ATG10: variants seen among roughly 807,000 people sequenced by gnomAD.
ATG10 encodes the protein ubiquitin-like-conjugating enzyme ATG10.
A neutral mutation model predicts 32.1 loss-of-function variants in ATG10; 30 were observed. The ratio of observed to expected loss-of-function variants is 0.94; its 90% CI spans 0.70 to 1.27. ATG10 has a LOEUF of 1.27. ATG10 is among the 50% of genes most tolerant of loss of function. The pLI, the probability that ATG10 is intolerant of heterozygous loss-of-function variation, is 0.00. For synonymous variants in ATG10, 87 were observed against 91.5 expected, an observed-to-expected ratio of 0.95 and a Z score of 0.28; for missense variants, 233 against 262.3, an observed-to-expected ratio of 0.89 and a Z score of 0.77.
intron 5 of ATG10, among the ~76,000 whole-genome samples, chr5:82,248,045 T>C (rs1037706334): frequency 3.0e-4 from 45 of 152,242 alleles, no homozygotes; most frequent in Admixed American, 2.9e-3. Context: ...AATGGATGTG[T>C]ACGTGGATTG....
At chr5:82,124,963 C>T (rs1323648235) in intron 3 of ATG10, among the ~76,000 whole-genome samples, 1 of 152,196 alleles carries the variant, frequency 6.6e-6, no homozygotes, top group Non-Finnish European at 1.5e-5. Context: ...TGTTTCCTGA[C>T]TTTTTAATGA....
intron 1 of ATG10, among the ~76,000 whole-genome samples, chr5:81,986,260 A>C (rs1350437265): frequency 6.6e-6 from 1 of 152,090 alleles, no homozygotes; most frequent in African/African-American, 2.4e-5. Context: ...TTATGATAGG[A>C]GAATAAGGTT....
intron 5 of ATG10, among the ~76,000 whole-genome samples, chr5:82,192,316 G>A (rs1375015174): frequency 6.6e-6 from 1 of 152,172 alleles, no homozygotes; most frequent in Admixed American, 6.5e-5. Flanking sequence ...ATTTTTCCTG[G>A]AAAGTCATCT....
At chr5:82,151,511 A>G (rs1240960557) in intron 3 of ATG10, among the ~76,000 whole-genome samples, 2 of 152,106 alleles carry the variant, frequency 1.3e-5, no homozygotes, top group Non-Finnish European at 2.9e-5. Context: ...CATGTTATGC[A>G]TTGCAGTTTA....
At chr5:82,116,762 G>A (rs921561813) in intron 3 of ATG10, among the ~76,000 whole-genome samples, 4 of 152,098 alleles carry the variant, frequency 2.6e-5, no homozygotes, top group African/African-American at 7.2e-5. Flanking sequence ...CTGAGACCAG[G>A]TATTAGAAGG....
chr5:82,120,084 A>G (rs1200416932), intron 3 of ATG10, among the ~76,000 whole-genome samples: 3 of 151,526 alleles, frequency 2.0e-5, no homozygotes, highest in Non-Finnish European at 4.4e-5. Flanking sequence ...AAGGGTTGCT[A>G]CTCCTTTATG....
intron 3 of ATG10, among the ~76,000 whole-genome samples, chr5:82,077,911 T>A (rs1483560624): frequency 6.6e-6 from 1 of 152,266 alleles, no homozygotes; most frequent in African/African-American, 2.4e-5. Context: ...GATCTTTCAC[T>A]GACTGTAGTA....
At chr5:81,979,189 G>A (rs1462571802) in intron 1 of ATG10, among the ~76,000 whole-genome samples, 4 of 151,380 alleles carry the variant, frequency 2.6e-5, no homozygotes, top group Middle Eastern at 6.8e-3. Flanking sequence ...CGTGAGCCAC[G>A]GTGCCTGGTC....
chr5:82,038,887 G>A (rs1053993020), intron 2 of ATG10, among the ~76,000 whole-genome samples: 19 of 152,086 alleles, frequency 1.2e-4, no homozygotes, highest in African/African-American at 3.4e-4. Flanking sequence ...TTGCTCTGTC[G>A]CCCAGGCTGG....
intron 3 of ATG10, among the ~76,000 whole-genome samples, chr5:82,102,836 C>G (rs375833600): frequency 1.5e-3 from 226 of 149,166 alleles, no homozygotes; most frequent in Middle Eastern, 6.8e-3. Context: ...GCTGGTTAAT[C>G]CTCCTCTTCA....
At chr5:82,123,197 A>C (rs577599510) in intron 3 of ATG10, among the ~76,000 whole-genome samples, 10 of 152,374 alleles carry the variant, frequency 6.6e-5, no homozygotes, top group African/African-American at 2.2e-4. Flanking sequence ...GAATGCGGTC[A>C]TGTATTCTGT....
At chr5:82,059,512 A>G (rs933490882) in intron 3 of ATG10, among the ~76,000 whole-genome samples, 2 of 151,570 alleles carry the variant, frequency 1.3e-5, no homozygotes, top group Non-Finnish European at 2.9e-5. Context: ...ATTCCATCCT[A>G]TGGAAGCACC....
intron 5 of ATG10, among the ~76,000 whole-genome samples, chr5:82,182,105 A>G (rs1744259637): frequency 6.6e-6 from 1 of 152,166 alleles, no homozygotes; most frequent in African/African-American, 2.4e-5. Context: ...TGATCTTGGC[A>G]TGGCCTAAAG....
chr5:82,002,992 T>G (rs1321767844), intron 2 of ATG10, among the ~76,000 whole-genome samples: 1 of 152,140 alleles, frequency 6.6e-6, no homozygotes. Flanking sequence ...AACACAGTAT[T>G]TTGACTATCC....
At chr5:82,212,792 T>C (rs1334329283) in intron 5 of ATG10, among the ~76,000 whole-genome samples, 1 of 152,004 alleles carries the variant, frequency 6.6e-6, no homozygotes, top group Non-Finnish European at 1.5e-5. Flanking sequence ...ATATTGGACG[T>C]GTAAATGTTA....
intron 4 of ATG10, among the ~76,000 whole-genome samples, chr5:82,168,981 G>A (rs1021647713): frequency 8.5e-5 from 13 of 152,108 alleles, no homozygotes; most frequent in African/African-American, 2.9e-4. Context: ...CCACAGGTTG[G>A]GTTTCTTGAA....
intron 2 of ATG10, among the ~76,000 whole-genome samples, chr5:81,999,827 C>G (rs1761798417): frequency 6.6e-6 from 1 of 152,094 alleles, no homozygotes; most frequent in Non-Finnish European, 1.5e-5. Flanking sequence ...CTTCCCAAGA[C>G]TGAACCAGGA....
chr5:82,179,559 A>G (rs1260996051), intron 5 of ATG10, among the ~76,000 whole-genome samples: 2 of 152,130 alleles, frequency 1.3e-5, no homozygotes, highest in Non-Finnish European at 2.9e-5. Flanking sequence ...TAGATTTGCA[A>G]AAGTAAAGGA....
In ATG10 at chr5:82,107,544, C is replaced by A. The variant is rs149429619; in HGVS notation, c.216+48942C>A. Among the ~76,000 whole-genome samples, 521 of 152,152 alleles carry A rather than the reference C, an allele frequency of 3.4e-3. 1 individual carries two copies. The highest frequency in any genetic ancestry group is 0.012 in the African/African-American group (481 of 41,542). ...TTACAATGTATTTTAAAAATATTTT[C>A]TTTCACTTGCATTAAAAAATGTCTA... On this transcript the variant is annotated intron_variant, in intron 3 of 7. Transcript: ENST00000282185.
Sources: allele counts gnomAD v4.1 joint callset (sites outside exome capture counted in the v4.1 genomes callset), GRCh38; gene constraint gnomAD v4.1.1; transcripts MANE v1.5; gene names NCBI Gene and HGNC (gene_info 2026-07-23, HGNC 2026-07-21).